The following B9D1 variants were observed in gnomAD, a reference collection of about 807,000 sequenced individuals.
B9D1 encodes the protein B9 domain containing 1.
A neutral mutation model predicts 26.1 loss-of-function variants in B9D1; 20 were observed. The ratio of observed to expected loss-of-function variants is 0.77; its 90% CI spans 0.54 to 1.12. The LOEUF (loss-of-function observed/expected upper bound fraction) is 1.12, where lower values mean the gene tolerates loss of function less well. B9D1 is among the 50% of genes most tolerant of loss of function. The pLI is 0.00. For synonymous variants in B9D1, 105 were observed against 103.1 expected, an observed-to-expected ratio of 1.02 and a Z score of -0.11; for missense variants, 260 against 273.7, an observed-to-expected ratio of 0.95 and a Z score of 0.35.
chr17:19,360,994 G>C (rs948615454), intron 1 of B9D1, among the ~76,000 whole-genome samples: 1 of 152,126 alleles, frequency 6.6e-6, no homozygotes, highest in Non-Finnish European at 1.5e-5. Context: ...GCATGACCAC[G>C]GGAGCTCCAC....
rs373495766 is a variant in B9D1 at position 19,359,560 on chromosome 17, G to C, written c.132+760C>G. 3.6e-4 allele frequency among the ~76,000 whole-genome samples: 55 copies of C among 152,216 alleles called. No individual in the cohort carries two copies. The South Asian group carries it at 0.01, about 29-fold the overall frequency. Reference sequence around the variant, plus strand: ...AGCCTCCTTCTCATCACTCATCCCTGTCACTTCCTGGCTTGGTCTCCCCTC... The same window carrying C: ...AGCCTCCTTCTCATCACTCATCCCTCTCACTTCCTGGCTTGGTCTCCCCTC... On this transcript the variant is annotated intron_variant, in intron 2 of 6. Coordinates refer to ENST00000261499, the MANE Select transcript of B9D1 (RefSeq NM_015681.6). The surrounding 1 kb of genome is among the most constrained non-coding windows in gnomAD (Gnocchi z 5.0).
chr17:19,369,502 G>C (rs1329649317), intron 1 of B9D1, among the ~76,000 whole-genome samples: 1 of 152,080 alleles, frequency 6.6e-6, no homozygotes, highest in Non-Finnish European at 1.5e-5. Context: ...CACATCACTG[G>C]GGGTAGGAGA....
chr17:19,337,964 G>C (rs1234667278), downstream of B9D1, among the ~76,000 whole-genome samples: 2 of 152,220 alleles, frequency 1.3e-5, no homozygotes, highest in Non-Finnish European at 2.9e-5. Flanking sequence ...TATCACAGCG[G>C]ACTGTCTGGC....
chr17:19,339,398 A>G (rs1299361801), downstream of B9D1, among the ~76,000 whole-genome samples: 1 of 152,172 alleles, frequency 6.6e-6, no homozygotes, highest in East Asian at 1.9e-4. Flanking sequence ...CCAAGTTAGC[A>G]TGAGAGTCTT....
intron 3 of B9D1, among the ~76,000 whole-genome samples, chr17:19,357,133 G>T (rs1020926168): frequency 6.6e-6 from 1 of 152,236 alleles, no homozygotes; most frequent in African/African-American, 2.4e-5. Context: ...TGTCAATTTT[G>T]AGTGTCAGTT....
chr17:19,353,809 A>G (rs976756678), intron 3 of B9D1, among the ~76,000 whole-genome samples: 1 of 152,074 alleles, frequency 6.6e-6, no homozygotes, highest in African/African-American at 2.4e-5. Context: ...GCGTGGTGGT[A>G]CATGCCTGTA....
chr17:19,376,077 G>A (rs909096637), intron 1 of B9D1, among the ~76,000 whole-genome samples: 4 of 152,168 alleles, frequency 2.6e-5, no homozygotes, highest in African/African-American at 9.7e-5. Context: ...ATGACAACAT[G>A]AACTTTATGC....
chr17:19,341,463 A>G, downstream of B9D1: 1 of 497,742 alleles, frequency 2.0e-6, no homozygotes, highest in Admixed American at 4.4e-5. Context: ...TGGAGGGAGA[A>G]GGGGAGAAGA....
intron 2 of B9D1, among the ~76,000 whole-genome samples, chr17:19,358,610 T>C (rs754355266): frequency 3.9e-5 from 6 of 152,222 alleles, no homozygotes; most frequent in Non-Finnish European, 8.8e-5. Context: ...TGCTTACTCC[T>C]TGATACACTG....
chr17:19,375,260 A>T (rs1361427863), intron 1 of B9D1, among the ~76,000 whole-genome samples: 1 of 151,940 alleles, frequency 6.6e-6, no homozygotes, highest in Non-Finnish European at 1.5e-5. Flanking sequence ...ACCGCACTCT[A>T]GCCTGGGCTG....
Position 19,343,367 on chromosome 17 carries a change from A to G in B9D1, c.567T>C (p.Asp189=), listed in dbSNP as rs776039881. The G allele has an allele frequency of 4.9e-5, 79 of 1,614,014 alleles. 2 individuals carry two copies. Among genetic ancestry groups the G allele is most frequent in the Non-Finnish European group, 1.3e-5 (15 of 1,180,028 alleles). ...GGCTGGGCCCCAACACACCCTGTGT[A>G]TCAGAAGGCCCAGTGTCATAGCCCA... ...RKLGYDTGPS[D]TQGVLGPSPP... Residue 189 remains aspartate, a synonymous_variant, in exon 7 of 7, where the codon GAT becomes GAC. Coordinates refer to ENST00000261499, the MANE Select transcript of B9D1 (RefSeq NM_015681.6).
chr17:19,363,959 G>C (rs1475803129), upstream of B9D1, among the ~76,000 whole-genome samples: 1 of 152,184 alleles, frequency 6.6e-6, no homozygotes, highest in African/African-American at 2.4e-5. Flanking sequence ...CAGAGCCCAA[G>C]ACAGGGCCCA....
downstream of B9D1, among the ~76,000 whole-genome samples, chr17:19,338,652 C>T (rs539968318): frequency 1.3e-5 from 2 of 152,298 alleles, no homozygotes; most frequent in South Asian, 4.1e-4. Flanking sequence ...GGAGCTTGAC[C>T]TCTTGGCATG....
chr17:19,334,817 G>A (rs1907325885), downstream of B9D1: 2 of 153,012 alleles, frequency 1.3e-5, no homozygotes, highest in Admixed American at 6.5e-5. This position sits in a 1 kb window ranked among gnomAD's most constrained non-coding sequence, Gnocchi z 4.9. Flanking sequence ...ACTAATCTGA[G>A]CATAACCCCC....
chr17:19,359,085 T>C lies in B9D1; in HGVS notation c.133-1134A>G, dbSNP rs75298756. Among the ~76,000 whole-genome samples, 1,722 of 152,114 alleles carry C rather than the reference T, an allele frequency of 0.011. 30 individuals are homozygous for C. The highest frequency in any genetic ancestry group is 0.04 in the African/African-American group (1,641 of 41,540). ...AGTCCAGCCCCTCCCACCACCCCAC[T>C]GCCACTGCCCTCCTCTCCCATCTCC... On this transcript the variant is annotated intron_variant, in intron 2 of 6. Coordinates refer to ENST00000261499, the MANE Select transcript of B9D1 (RefSeq NM_015681.6). This position sits in a 1 kb window ranked among gnomAD's most constrained non-coding sequence, Gnocchi z 5.0.
downstream of B9D1, chr17:19,341,258 C>T: frequency 8.1e-7 from 1 of 1,231,776 alleles, no homozygotes; most frequent in Non-Finnish European, 1.0e-6. Context: ...TTGATGTGGA[C>T]CAAGGCCAGT....
At chr17:19,362,391 A>C in intron 1 of B9D1, 116 bp downstream of exon 1, 1 of 725,684 alleles carries the variant, frequency 1.4e-6, no homozygotes, top group Non-Finnish European at 2.2e-6. Context: ...CGCCTAACCG[A>C]GAGGCTCAGA....
intron 3 of B9D1, among the ~76,000 whole-genome samples, chr17:19,348,468 A>G (rs1909158190): frequency 1.3e-5 from 2 of 152,172 alleles, no homozygotes; most frequent in Admixed American, 1.3e-4. Flanking sequence ...AGGGACTAGG[A>G]GCCGGCCTGA....
At chr17:19,369,905 C>A (rs146964957) in intron 1 of B9D1, among the ~76,000 whole-genome samples, 1 of 152,162 alleles carries the variant, frequency 6.6e-6, no homozygotes, top group East Asian at 1.9e-4. Context: ...AGGATTCCTA[C>A]CTAGTGCCCC....
Sources: gnomAD v4.1 joint callset for allele counts (sites outside exome capture counted in the v4.1 genomes callset) on GRCh38, gnomAD v4.1.1 for gene constraint, Gnocchi (gnomAD v3.1) non-coding constraint, MANE v1.5 for transcripts, NCBI Gene and HGNC (gene_info 2026-07-23, HGNC 2026-07-21) for gene names.